The following BMPER variants were observed in gnomAD, a reference collection of about 807,000 sequenced individuals.
BMPER encodes BMP-binding endothelial regulator protein.
In BMPER, 45 loss-of-function variants were observed where a neutral mutation model predicts 87.3. The observed-to-expected ratio is 0.52, with a 90% CI of 0.41 to 0.66. The LOEUF is 0.66. Among genes scored for constraint, BMPER ranks in the 30% least tolerant of loss-of-function variants. The pLI, the probability that BMPER is intolerant of heterozygous loss-of-function variation, is 0.00. For missense variants in BMPER, 784 were observed against 867.5 expected, an observed-to-expected ratio of 0.90 and a Z score of 1.21; for synonymous variants, 326 against 316.2, an observed-to-expected ratio of 1.03 and a Z score of -0.33.
At chr7:33,994,537 A>G (rs971070659) in intron 6 of BMPER, among the ~76,000 whole-genome samples, 1 of 152,172 alleles carries the variant, frequency 6.6e-6, no homozygotes, top group South Asian at 2.1e-4. Context: ...CCCTAGTGAG[A>G]TGAACCCGGT....
At chr7:33,923,677 A>G (rs1784289402) in intron 2 of BMPER, among the ~76,000 whole-genome samples, 1 of 152,188 alleles carries the variant, frequency 6.6e-6, no homozygotes, top group Non-Finnish European at 1.5e-5. Context: ...CACTGAATTA[A>G]TGTAATGACC....
intron 11 of BMPER, among the ~76,000 whole-genome samples, chr7:34,067,947 T>A (rs2127968379): frequency 6.6e-6 from 1 of 152,326 alleles, no homozygotes; most frequent in African/African-American, 2.4e-5. Flanking sequence ...CCACCTATTG[T>A]CAATTCCCAC....
rs34734593 is a variant in BMPER at position 34,102,146 on chromosome 7, A to ATT, written c.1745+16062_1745+16063dup. 8.7e-3 allele frequency among the ~76,000 whole-genome samples: 1,307 copies of ATT among 151,046 alleles called. 11 individuals are homozygous for ATT. Among genetic ancestry groups the ATT allele is most frequent in the Middle Eastern group, 0.014 (4 of 292 alleles). On this transcript the variant is annotated intron_variant, in intron 13 of 14. Coordinates refer to ENST00000649409, the MANE Select transcript of BMPER (RefSeq NM_001365308.1). ...GGTCCCCCAGGTTTGCCTTTTCTCC[A>ATT]TTTTTTTTTGCCACATCTTCCTCTG...
At chr7:34,047,967 T>C (rs542449347) in intron 7 of BMPER, among the ~76,000 whole-genome samples, 26 of 151,816 alleles carry the variant, frequency 1.7e-4, no homozygotes, top group African/African-American at 5.3e-4. Flanking sequence ...CAGAAGCATA[T>C]TGAACAAAAT....
chr7:33,914,061 G>A lies in BMPER; in HGVS notation c.219+7158G>A, dbSNP rs1005989815. Among the ~76,000 whole-genome samples the A allele has an allele frequency of 1.1e-4, 16 of 150,638 alleles. No homozygotes were observed. The South Asian group carries it at 1.5e-3, about 14-fold the overall frequency. Reference sequence around the variant, plus strand: ...ACTGCAAGCTCCGCCTCCCGGGTTCGCGCCATTCTCCTGCCTCAGCCCTCC... The same window carrying A: ...ACTGCAAGCTCCGCCTCCCGGGTTCACGCCATTCTCCTGCCTCAGCCCTCC... On this transcript the variant is annotated intron_variant, in intron 2 of 14. Transcript: ENST00000649409.
chr7:33,955,085 C>T (rs867146636), intron 3 of BMPER, among the ~76,000 whole-genome samples: 5 of 152,014 alleles, frequency 3.3e-5, no homozygotes, highest in African/African-American at 7.2e-5. Context: ...TTAGTAGAGA[C>T]GGGGTTTCTC....
intron 6 of BMPER, among the ~76,000 whole-genome samples, chr7:34,007,568 G>A (rs546097488): frequency 1.3e-5 from 2 of 151,966 alleles, no homozygotes; most frequent in African/African-American, 4.8e-5. Context: ...TCTGTTCTGT[G>A]TCATTTTTTC....
chr7:34,090,611 A>G (rs1201288417), intron 13 of BMPER, among the ~76,000 whole-genome samples: 1 of 152,242 alleles, frequency 6.6e-6, no homozygotes, highest in Non-Finnish European at 1.5e-5. Flanking sequence ...TTTGTGGGTC[A>G]AACTGGGGAA....
intron 13 of BMPER, among the ~76,000 whole-genome samples, chr7:34,103,362 A>G (rs750341595): frequency 2.6e-5 from 4 of 152,202 alleles, no homozygotes; most frequent in Non-Finnish European, 4.4e-5. Flanking sequence ...TTCACCAGGC[A>G]TCACATTTAT....
chr7:34,031,829 A>G (rs978796146), intron 6 of BMPER, among the ~76,000 whole-genome samples: 22 of 146,196 alleles, frequency 1.5e-4, no homozygotes, highest in African/African-American at 5.0e-4. Flanking sequence ...AAACTCCCCA[A>G]GGTAACTCAT....
chr7:33,979,001 G>T (rs1031586866), intron 6 of BMPER, among the ~76,000 whole-genome samples: 11 of 152,238 alleles, frequency 7.2e-5, no homozygotes, highest in African/African-American at 2.6e-4. Flanking sequence ...GCAGTTAGAA[G>T]TGTGGGCATG....
At chr7:33,947,309 GGT>G (rs1252417920) in intron 3 of BMPER, among the ~76,000 whole-genome samples, 1 of 152,094 alleles carries the variant, frequency 6.6e-6, no homozygotes, top group African/African-American at 2.4e-5. Context: ...AAATGAATAA[GGT>G]GTGTTTCAGA....
chr7:34,086,762 A>C (rs1464650318), intron 13 of BMPER, among the ~76,000 whole-genome samples: 1 of 152,216 alleles, frequency 6.6e-6, no homozygotes, highest in Non-Finnish European at 1.5e-5. Context: ...AACTGGTTAC[A>C]AAGGAGACTT....
At chr7:34,012,354 G>A (rs1786905813) in intron 6 of BMPER, among the ~76,000 whole-genome samples, 1 of 151,814 alleles carries the variant, frequency 6.6e-6, no homozygotes, top group African/African-American at 2.4e-5. Context: ...CTGAAAACTG[G>A]GATAGGTAGA....
intron 4 of BMPER, among the ~76,000 whole-genome samples, chr7:33,968,028 G>A (rs1419236518): frequency 3.9e-5 from 6 of 152,136 alleles, no homozygotes; most frequent in African/African-American, 1.4e-4. Flanking sequence ...TGTTAACCCT[G>A]AACCTCCAAT....
chr7:33,905,730 T>C lies in BMPER; in HGVS notation c.117T>C (p.Ala39=), dbSNP rs1783794892. ...GCTCGGGGGTCCCCATGTCTCTGGC[T>C]TCCTCCTTCTTGACAGGTAGGGGAG... is the stretch of plus-strand genomic sequence containing the variant. ...LNCSGVPMSL[A]SSFLTGSVAK... Residue 39 remains alanine, a synonymous_variant, in exon 1 of 15, where the codon GCT becomes GCC. Coordinates refer to ENST00000649409, the MANE Select transcript of BMPER (RefSeq NM_001365308.1). The C allele has an allele frequency of 6.2e-7, 1 of 1,606,156 alleles. No homozygotes were observed. Among genetic ancestry groups the C allele is most frequent in the Admixed American group, 1.7e-5 (1 of 59,782 alleles).
intron 13 of BMPER, among the ~76,000 whole-genome samples, chr7:34,127,671 T>G (rs1458295338): frequency 6.6e-6 from 1 of 152,206 alleles, no homozygotes; most frequent in African/African-American, 2.4e-5. Flanking sequence ...TTGGCAGACT[T>G]TAAATCCAAG....
chr7:33,939,267 C>T (rs973993731), intron 3 of BMPER, among the ~76,000 whole-genome samples: 3 of 152,152 alleles, frequency 2.0e-5, no homozygotes, highest in African/African-American at 7.2e-5. Context: ...TCCTTTATCA[C>T]CACCCTTTCC....
At chr7:34,007,967 A>G (rs976281191) in intron 6 of BMPER, among the ~76,000 whole-genome samples, 2 of 151,888 alleles carry the variant, frequency 1.3e-5, no homozygotes, top group Non-Finnish European at 2.9e-5. Flanking sequence ...TCAACACAGT[A>G]TTTTTATTGT....
Sources: allele counts gnomAD v4.1 joint callset (sites outside exome capture counted in the v4.1 genomes callset), GRCh38; gene constraint gnomAD v4.1.1; transcripts MANE v1.5; gene names NCBI Gene and HGNC (gene_info 2026-07-23, HGNC 2026-07-21).